The following HPSE2 variants were observed in gnomAD, a reference collection of about 807,000 sequenced individuals.
HPSE2 encodes the protein heparanase 2 (inactive), also known as inactive heparanase-2.
A neutral mutation model predicts 60.5 loss-of-function variants in HPSE2; 38 were observed. The ratio of observed to expected loss-of-function variants is 0.63; its 90% CI spans 0.48 to 0.82. The LOEUF is 0.82. HPSE2 is among the 40% of genes least tolerant of loss of function. The probability of loss-of-function intolerance (pLI) is 0.00; values close to 1 mark genes in which losing one functional copy is unlikely to be tolerated. For synonymous variants in HPSE2, 295 were observed against 293.2 expected (o/e 1.01, Z -0.06); for missense variants, 713 against 740.4 (o/e 0.96, Z 0.43).
intron 3 of HPSE2, among the ~76,000 whole-genome samples, chr10:98,951,243 CAACT>C (rs1327464688): frequency 1.3e-5 from 2 of 152,270 alleles, no homozygotes; most frequent in Non-Finnish European, 1.5e-5. Flanking sequence ...GACTTGTCTC[CAACT>C]AATAATAGAA....
chr10:98,720,376 TGA>T (rs940665871), intron 5 of HPSE2, among the ~76,000 whole-genome samples: 11 of 152,290 alleles, frequency 7.2e-5, no homozygotes, highest in African/African-American at 2.4e-4. Context: ...TTGAAAATGC[TGA>T]GTTATTTTCA....
intron 3 of HPSE2, among the ~76,000 whole-genome samples, chr10:99,012,554 A>T (rs1288575300): frequency 6.6e-6 from 1 of 152,144 alleles, no homozygotes; most frequent in Non-Finnish European, 1.5e-5. Context: ...TTATGGTTAT[A>T]CCTAAGGATA....
chr10:99,084,374 ACTTT>A (rs1189333845), intron 3 of HPSE2, among the ~76,000 whole-genome samples: 3 of 152,092 alleles, frequency 2.0e-5, no homozygotes, highest in Non-Finnish European at 4.4e-5. Flanking sequence ...TGTAAAGTGG[ACTTT>A]CTTTTTTATG....
chr10:99,241,615 G>A, the HPSE2 span, among the ~76,000 whole-genome samples: 4 of 152,184 alleles, frequency 2.6e-5, no homozygotes, highest in East Asian at 1.9e-4. Flanking sequence ...AACATTATCC[G>A]GGTATGGTGG....
At chr10:98,879,852 CGTGTGTGTGTGTGTGTGTGTGT>C (rs3043546) in intron 3 of HPSE2, among the ~76,000 whole-genome samples, 9 of 145,676 alleles carry the variant, frequency 6.2e-5, no homozygotes, top group African/African-American at 2.3e-4. Flanking sequence ...TGTGCATGTG[CGTGTGTGTGTGTGTGTGTGTGT>C]GTGTGTGTGT....
At chr10:98,792,601 A>T (rs1950679870) in intron 3 of HPSE2, among the ~76,000 whole-genome samples, 1 of 151,422 alleles carries the variant, frequency 6.6e-6, no homozygotes, top group Non-Finnish European at 1.5e-5. Context: ...TTGTACATTT[A>T]AAAGAGTCTA....
At chr10:98,763,065 T>C (rs1260439156) in intron 3 of HPSE2, among the ~76,000 whole-genome samples, 5 of 151,984 alleles carry the variant, frequency 3.3e-5, no homozygotes, top group Non-Finnish European at 7.4e-5. Context: ...ATAAAACCTT[T>C]ACTTGATGGG....
At chr10:99,124,224 G>A (rs1206877874) in intron 3 of HPSE2, among the ~76,000 whole-genome samples, 1 of 152,188 alleles carries the variant, frequency 6.6e-6, no homozygotes, top group Non-Finnish European at 1.5e-5. Flanking sequence ...TGAGTCCAGG[G>A]TTTTTACGGG....
chr10:98,940,729 T>A lies in HPSE2; in HGVS notation c.611-196673A>T, dbSNP rs536739200. Among the ~76,000 whole-genome samples, 19 of 142,316 alleles carry A rather than the reference T, an allele frequency of 1.3e-4. 4 individuals are homozygous for A. The highest frequency in any genetic ancestry group is 5.5e-4 in the African/African-American group (19 of 34,376). The allele number at this position is 142,316 out of a possible 152,430, so 93.4% of individuals were successfully genotyped here. ...AAAGAGGGAATCCTCCCTAACTCAT[T>A]TTATAAGGCCAGCATCATCCTGATA... On this transcript the variant is annotated intron_variant, in intron 3 of 11. Transcript: ENST00000370552.
At chr10:98,471,746 CA>C (rs1940790015) in intron 11 of HPSE2, among the ~76,000 whole-genome samples, 1 of 152,148 alleles carries the variant, frequency 6.6e-6, no homozygotes, top group Non-Finnish European at 1.5e-5. Context: ...ACTTAGGAAA[CA>C]AATCAGATGA....
At chr10:99,186,112 ACAC>A (rs1023524296) in intron 2 of HPSE2, among the ~76,000 whole-genome samples, 1 of 126,728 alleles carries the variant, frequency 7.9e-6, no homozygotes, top group African/African-American at 3.5e-5. Context: ...AACCACACAC[ACAC>A]ACACACACAC....
chr10:99,240,409 C>CTTTT (rs1300852308), upstream of HPSE2, among the ~76,000 whole-genome samples: 2 of 117,188 alleles, frequency 1.7e-5, no homozygotes, highest in Non-Finnish European at 3.7e-5. Context: ...CAATGATTTT[C>CTTTT]TTTTTTTTTT....
chr10:99,079,100 C>A (rs1051580063), intron 3 of HPSE2, among the ~76,000 whole-genome samples: 3 of 152,142 alleles, frequency 2.0e-5, no homozygotes, highest in Non-Finnish European at 2.9e-5. Flanking sequence ...TGGAAAGCGG[C>A]TATGAGAGTG....
intron 2 of HPSE2, among the ~76,000 whole-genome samples, chr10:99,160,303 G>A (rs1173767251): frequency 6.6e-6 from 1 of 152,062 alleles, no homozygotes; most frequent in East Asian, 1.9e-4. Flanking sequence ...CATACAAATG[G>A]CTAATAGCAC....
In HPSE2 at chr10:98,935,200, T is replaced by A. The variant is rs1193306465; in HGVS notation, c.611-191144A>T. Reference sequence around the variant, plus strand: ...CAGCTCCTGTAATCTTTTATCATGGTTCTTAGCTTCTTTGCATTGGGTTAG... The same window carrying A: ...CAGCTCCTGTAATCTTTTATCATGGATCTTAGCTTCTTTGCATTGGGTTAG... On this transcript the variant is annotated intron_variant, in intron 3 of 11. Transcript: ENST00000370552. Among the ~76,000 whole-genome samples, 4 of 142,668 alleles carry A rather than the reference T, an allele frequency of 2.8e-5. 1 individual carries two copies. Among genetic ancestry groups the A allele is most frequent in the African/African-American group, 1.2e-4 (4 of 34,652 alleles). 93.6% of individuals were successfully genotyped at this position (142,668 alleles called of 152,430 possible). A position where few individuals can be genotyped will look rare whatever the true frequency, so the allele number is the denominator to read the frequency against.
At chr10:98,753,488 G>A (rs1949806795) in intron 3 of HPSE2, among the ~76,000 whole-genome samples, 1 of 152,088 alleles carries the variant, frequency 6.6e-6, no homozygotes, top group South Asian at 2.1e-4. Context: ...CCAAAAAGGT[G>A]GAAAAAACTC....
At chr10:98,685,828 T>G (rs1332825872) in intron 6 of HPSE2, among the ~76,000 whole-genome samples, 1 of 152,208 alleles carries the variant, frequency 6.6e-6, no homozygotes, top group African/African-American at 2.4e-5. Flanking sequence ...AACTGCCAGA[T>G]TTTCCAAAAT....
At chr10:99,128,512 T>C (rs1263951426) in intron 3 of HPSE2, among the ~76,000 whole-genome samples, 1 of 152,086 alleles carries the variant, frequency 6.6e-6, no homozygotes, top group Non-Finnish European at 1.5e-5. Context: ...TAAAAAGGAA[T>C]GAGATCATGT....
At chr10:98,477,367 C>G (rs1428609541) in intron 11 of HPSE2, among the ~76,000 whole-genome samples, 1 of 152,208 alleles carries the variant, frequency 6.6e-6, no homozygotes, top group Non-Finnish European at 1.5e-5. Context: ...GTGGGGCATC[C>G]TCTGGTCCAG....
Sources: gnomAD v4.1 joint callset for allele counts (sites outside exome capture counted in the v4.1 genomes callset) on GRCh38, gnomAD v4.1.1 for gene constraint, MANE v1.5 for transcripts, NCBI Gene and HGNC (gene_info 2026-07-23, HGNC 2026-07-21) for gene names.